EPHA6: variants seen among roughly 807,000 people sequenced by gnomAD.
EPHA6 encodes ephrin type-A receptor 6.
In EPHA6, 50 loss-of-function variants were observed where a neutral mutation model predicts 112.0. That is an observed-to-expected ratio of 0.45 (90% CI 0.36 to 0.56). EPHA6 has a LOEUF of 0.56. Ranked by LOEUF, EPHA6 falls within the 20% of genes least tolerant of loss-of-function variation. EPHA6 has a pLI of 0.00. For missense variants in EPHA6, 1,280 were observed against 1,417.4 expected, an observed-to-expected ratio of 0.90 and a Z score of 1.56; for synonymous variants, 529 against 490.7, an observed-to-expected ratio of 1.08 and a Z score of -1.03.
chr3:97,468,812 A>C (rs1483730377), intron 7 of EPHA6, among the ~76,000 whole-genome samples: 1 of 151,672 alleles, frequency 6.6e-6, no homozygotes, highest in Non-Finnish European at 1.5e-5. Flanking sequence ...CAAACAATAC[A>C]CATATATTAA....
At chr3:96,843,333 AATTAATGAAATT>A (rs2034865521) in intron 1 of EPHA6, among the ~76,000 whole-genome samples, 1 of 152,110 alleles carries the variant, frequency 6.6e-6, no homozygotes, top group Admixed American at 6.6e-5. Context: ...TAGAAATGAA[AATTAATGAAATT>A]ATTTTGGGAC....
At chr3:97,248,511 A>C (rs2079044137) in intron 5 of EPHA6, among the ~76,000 whole-genome samples, 1 of 152,104 alleles carries the variant, frequency 6.6e-6, no homozygotes, top group South Asian at 2.1e-4. Context: ...GACATGTGCA[A>C]AAACCTTTAG....
intron 6 of EPHA6, among the ~76,000 whole-genome samples, chr3:97,413,898 T>C (rs545624264): frequency 6.6e-6 from 1 of 152,134 alleles, no homozygotes; most frequent in African/African-American, 2.4e-5. Context: ...AAGTTTTTCC[T>C]TGATAACTGG....
At chr3:97,688,867 G>A (rs1379597566) in intron 14 of EPHA6, among the ~76,000 whole-genome samples, 1 of 151,972 alleles carries the variant, frequency 6.6e-6, no homozygotes, top group African/African-American at 2.4e-5. Context: ...AAAAAGTAAA[G>A]CCCCTTTCAT....
intron 6 of EPHA6, among the ~76,000 whole-genome samples, chr3:97,430,730 C>A (rs1355286899): frequency 2.6e-5 from 4 of 151,998 alleles, no homozygotes. Flanking sequence ...TTTTATAAAG[C>A]ATTCATATTG....
At chr3:97,424,524 G>A (rs1178660443) in intron 6 of EPHA6, among the ~76,000 whole-genome samples, 3 of 152,000 alleles carry the variant, frequency 2.0e-5, no homozygotes, top group Non-Finnish European at 4.4e-5. Flanking sequence ...CAAATTAGTG[G>A]CCATGCTTGG....
intron 2 of EPHA6, among the ~76,000 whole-genome samples, chr3:96,984,901 G>A (rs1033026079): frequency 6.6e-6 from 1 of 152,212 alleles, no homozygotes. Flanking sequence ...TGTTGGAAAA[G>A]CACAGTATTA....
Position 96,827,592 on chromosome 3 carries a change from T to C in EPHA6, c.385+12584T>C, listed in dbSNP as rs189994829. 7.1e-3 allele frequency among the ~76,000 whole-genome samples: 1,084 copies of C among 152,242 alleles called. 14 individuals are homozygous for C. The highest frequency in any genetic ancestry group is 0.024 in the African/African-American group (1,016 of 41,556). On this transcript the variant is annotated intron_variant, in intron 1 of 17. Coordinates refer to ENST00000389672, the MANE Select transcript of EPHA6 (RefSeq NM_001080448.3). ...AACAGAATAGTGAAAACTGTTCATA[T>C]ACTCGGATCAATTAATTCCACTTTT...
At chr3:97,054,339 G>T (rs565774474) in intron 3 of EPHA6, among the ~76,000 whole-genome samples, 1 of 152,202 alleles carries the variant, frequency 6.6e-6, no homozygotes, top group South Asian at 2.1e-4. Context: ...ACACCAGACT[G>T]CAATTCACAA....
intron 7 of EPHA6, chr3:97,466,294 C>A: frequency 7.1e-7 from 1 of 1,402,622 alleles, no homozygotes; most frequent in Non-Finnish European, 1.0e-6. Flanking sequence ...TCCCCTCAAG[C>A]AACATAATAA....
rs1057317937 is a variant in EPHA6 at position 97,759,496 on chromosome 3, T to C, written c.*10795T>C. 14 of 230,260 alleles carry C rather than the reference T, an allele frequency of 6.1e-5. No individual in the cohort carries two copies. The highest frequency in any genetic ancestry group is 1.2e-4 in the Non-Finnish European group (14 of 116,230). 14.3% of individuals were successfully genotyped at this position (230,260 alleles called of 1,614,324 possible). ...TATTTATCTACTAATGAAAATGACT[T>C]GGCAGACAGGGGAAAACTGATTATG... On this transcript the variant is annotated 3_prime_UTR_variant, in exon 18 of 18. Transcript: ENST00000389672.
Position 97,324,905 on chromosome 3 carries a change from A to C in EPHA6, c.1607-80245A>C, listed in dbSNP as rs138288833. 1.2e-3 allele frequency among the ~76,000 whole-genome samples: 181 copies of C among 152,270 alleles called. 2 individuals carry two copies. The East Asian group carries it at 0.03, about 25-fold the overall frequency. On this transcript the variant is annotated intron_variant, in intron 5 of 17. Transcript: ENST00000389672. The stretch of plus-strand genomic sequence containing the variant: ...ACACTGATGTGTAAATGTCTTTTGC[A>C]CATACACATTCAGGAAATATTTAGT...
At position 97,532,371 on chromosome 3, in the gene EPHA6, A is replaced by G; in HGVS notation, c.2214A>G (p.Glu738=). The change falls in exon 11 of 18, where the codon GAA becomes GAG. Residue 738 remains glutamate (E), a synonymous_variant. Coordinates refer to ENST00000389672, the MANE Select transcript of EPHA6 (RefSeq NM_001080448.3). ...ERVIGAGEFG[E]VCSGRLKTPG... ...TCATATTTTAAGGTGAATTTGGAGAAGTCTGTAGTGGGCGTTTGAAGACAC... is the reference window on the plus strand; with the variant it reads ...TCATATTTTAAGGTGAATTTGGAGAGGTCTGTAGTGGGCGTTTGAAGACAC... 1 of 1,609,136 alleles carries G rather than the reference A, an allele frequency of 6.2e-7. No individual in the cohort carries two copies. The highest frequency in any genetic ancestry group is 8.5e-7 in the Non-Finnish European group (1 of 1,177,842).
chr3:97,051,783 A>G (rs547726188), intron 3 of EPHA6, among the ~76,000 whole-genome samples: 2 of 152,202 alleles, frequency 1.3e-5, no homozygotes, highest in East Asian at 3.9e-4. Context: ...ACCCTCAGAG[A>G]TTCTGATATA....
intron 2 of EPHA6, among the ~76,000 whole-genome samples, chr3:96,919,002 A>G (rs1369640541): frequency 6.6e-6 from 1 of 151,988 alleles, no homozygotes; most frequent in Non-Finnish European, 1.5e-5. Flanking sequence ...ATCATAATTG[A>G]GTATTTTATA....
At chr3:97,473,923 G>T (rs911897376) in intron 7 of EPHA6, among the ~76,000 whole-genome samples, 2 of 151,816 alleles carry the variant, frequency 1.3e-5, no homozygotes, top group African/African-American at 2.4e-5. Context: ...AAATCATAGT[G>T]ACTAAGTTCT....
Position 96,994,759 on chromosome 3 carries a change from A to AGAGCGAGC in EPHA6, c.1114+6770_1114+6771insGAGCGAGC, listed in dbSNP as rs1553684577. On this transcript the variant is annotated intron_variant, in intron 3 of 17. Transcript: ENST00000389672. Reference sequence around the variant, plus strand: ...GAGAGAGAGAGAGAGAGAGAGAGAGAGAGCTATATATATACCTACAGGCTG... The same window carrying AGAGCGAGC: ...GAGAGAGAGAGAGAGAGAGAGAGAGAGAGCGAGCGAGCTATATATATACCTACAGGCTG... Among the ~76,000 whole-genome samples, 15 of 116,248 alleles carry AGAGCGAGC rather than the reference A, an allele frequency of 1.3e-4. 1 individual carries two copies. The highest frequency in any genetic ancestry group is 6.6e-4 in the East Asian group (3 of 4,548). 76.3% of individuals were successfully genotyped at this position (116,248 alleles called of 152,430 possible).
chr3:97,420,088 A>G (rs1474393427), intron 6 of EPHA6, among the ~76,000 whole-genome samples: 1 of 152,124 alleles, frequency 6.6e-6, no homozygotes, highest in Non-Finnish European at 1.5e-5. Flanking sequence ...GGGTCAATTG[A>G]TCAACACTAA....
chr3:97,599,042 T>C (rs1394617854), intron 12 of EPHA6, among the ~76,000 whole-genome samples: 4 of 152,146 alleles, frequency 2.6e-5, no homozygotes, highest in Non-Finnish European at 4.4e-5. Context: ...TTTCATGTGT[T>C]TTTTGGCTGC....
Sources: allele counts gnomAD v4.1 joint callset (sites outside exome capture counted in the v4.1 genomes callset), GRCh38; gene constraint gnomAD v4.1.1; transcripts MANE v1.5; gene names NCBI Gene and HGNC (gene_info 2026-07-23, HGNC 2026-07-21).